SMARCC1: variants seen among roughly 807,000 people sequenced by gnomAD.
SMARCC1 encodes the protein SWI/SNF related BAF chromatin remodeling complex subunit C1, also known as SWI/SNF complex subunit SMARCC1.
SMARCC1 carries 43 observed loss-of-function variants against 147.4 expected under a neutral mutation model. That is an observed-to-expected ratio of 0.29 (90% confidence interval 0.23 to 0.38). SMARCC1 has a LOEUF of 0.38. Ranked by LOEUF, SMARCC1 falls within the 10% of genes least tolerant of loss-of-function variation. The pLI is 1.00. For synonymous variants in SMARCC1, 495 were observed against 484.4 expected (o/e 1.02, Z -0.29); for missense variants, 1,119 against 1,381.1 (o/e 0.81, Z 3.01).
At chr3:47,642,133 AAAG>A (rs2033055968) in intron 21 of SMARCC1, among the ~76,000 whole-genome samples, 1 of 152,220 alleles carries the variant, frequency 6.6e-6, no homozygotes, top group Non-Finnish European at 1.5e-5. Context: ...ACTCCAAAAA[AAAG>A]AAGAAAGAAG....
chr3:47,613,452 C>T (rs752772559), intron 25 of SMARCC1, among the ~76,000 whole-genome samples: 9 of 150,864 alleles, frequency 6.0e-5, no homozygotes, highest in Non-Finnish European at 1.2e-4. Flanking sequence ...GGTCGCCTTC[C>T]GGGTTCAAGC....
At chr3:47,595,154 C>T (rs2032251298) in intron 26 of SMARCC1, among the ~76,000 whole-genome samples, 1 of 152,160 alleles carries the variant, frequency 6.6e-6, no homozygotes, top group African/African-American at 2.4e-5. Flanking sequence ...CTGAAGAGGA[C>T]ATCTGGCGGT....
intron 3 of SMARCC1, among the ~76,000 whole-genome samples, chr3:47,741,802 G>A (rs1197221840): frequency 1.3e-5 from 2 of 151,552 alleles, no homozygotes; most frequent in Non-Finnish European, 2.9e-5. Context: ...GGTTAGTCTT[G>A]AACTCCTGGA....
chr3:47,638,388 A>T (rs2033001909), intron 22 of SMARCC1, among the ~76,000 whole-genome samples: 1 of 152,108 alleles, frequency 6.6e-6, no homozygotes, highest in Non-Finnish European at 1.5e-5. Context: ...CACCGCGCCC[A>T]GCCAAGAACC....
At chr3:47,760,402 C>A (rs1031342254) in intron 2 of SMARCC1, among the ~76,000 whole-genome samples, 2 of 152,170 alleles carry the variant, frequency 1.3e-5, no homozygotes, top group Non-Finnish European at 2.9e-5. Flanking sequence ...GTGGCTCATG[C>A]CAGTAATCTC....
At chr3:47,645,727 T>C (rs548059126) in intron 21 of SMARCC1, among the ~76,000 whole-genome samples, 1 of 152,370 alleles carries the variant, frequency 6.6e-6, no homozygotes, top group African/African-American at 2.4e-5. Flanking sequence ...CTCGCAAAGA[T>C]ATCTGCTTTT....
intron 14 of SMARCC1, among the ~76,000 whole-genome samples, chr3:47,683,039 GTTTTGT>G (rs969723972): frequency 1.1e-4 from 16 of 152,070 alleles, no homozygotes; most frequent in Non-Finnish European, 1.8e-4. Flanking sequence ...TTCGTTTTTT[GTTTTGT>G]TTTTGTTTTT....
intron 9 of SMARCC1, among the ~76,000 whole-genome samples, chr3:47,707,969 T>C (rs1424122826): frequency 2.6e-5 from 4 of 151,038 alleles, no homozygotes; most frequent in Admixed American, 6.6e-5. Context: ...AGAAGCTCCA[T>C]AGCATCAAAC....
chr3:47,600,190 C>T (rs2032361320), intron 26 of SMARCC1, among the ~76,000 whole-genome samples: 1 of 152,216 alleles, frequency 6.6e-6, no homozygotes, highest in Non-Finnish European at 1.5e-5. Flanking sequence ...AGGACAACGG[C>T]TCCTTGGCAG....
intron 2 of SMARCC1, 71 bp from the exon 3 acceptor site, chr3:47,746,064 G>T (rs2034561125): frequency 2.1e-6 from 2 of 963,050 alleles, no homozygotes; most frequent in African/African-American, 1.7e-5. Flanking sequence ...TTAATTCTAA[G>T]TTTTATAAAT....
chr3:47,620,161 CA>C (rs771800754), intron 25 of SMARCC1, among the ~76,000 whole-genome samples: 5 of 152,126 alleles, frequency 3.3e-5, no homozygotes, highest in African/African-American at 4.8e-5. Flanking sequence ...CTAGTCAACT[CA>C]TTACAAAAAT....
intron 13 of SMARCC1, among the ~76,000 whole-genome samples, 197 bp downstream of exon 13, chr3:47,689,190 A>G (rs532062760): frequency 6.6e-6 from 1 of 152,314 alleles, no homozygotes; most frequent in South Asian, 2.1e-4. Context: ...GAAAAAACTA[A>G]CAAAAACACC....
At chr3:47,679,063 G>A (rs1310327415) in intron 15 of SMARCC1, among the ~76,000 whole-genome samples, 1 of 152,036 alleles carries the variant, frequency 6.6e-6, no homozygotes, top group Admixed American at 6.6e-5. Context: ...AGATACTAAG[G>A]ACTTCTGTCA....
intron 12 of SMARCC1, among the ~76,000 whole-genome samples, chr3:47,690,263 T>G (rs1347041466): frequency 6.6e-6 from 1 of 152,128 alleles, no homozygotes; most frequent in African/African-American, 2.4e-5. Flanking sequence ...ACACTTTTGG[T>G]GGCTGGTACG....
intron 6 of SMARCC1, among the ~76,000 whole-genome samples, chr3:47,722,848 A>AC (rs2034249494): frequency 6.6e-6 from 1 of 152,242 alleles, no homozygotes; most frequent in African/African-American, 2.4e-5. Flanking sequence ...CAGAGGCATC[A>AC]CAATAGTCAA....
At chr3:47,764,675 T>C (rs570606267) in intron 2 of SMARCC1, among the ~76,000 whole-genome samples, 2 of 152,306 alleles carry the variant, frequency 1.3e-5, no homozygotes, top group South Asian at 4.1e-4. Context: ...TCATGCTACA[T>C]CATGTAGGCT....
At chr3:47,616,916 T>G (rs979186603) in intron 25 of SMARCC1, among the ~76,000 whole-genome samples, 10 of 152,204 alleles carry the variant, frequency 6.6e-5, no homozygotes, top group African/African-American at 2.4e-4. Flanking sequence ...AAAAATGTTA[T>G]CCTAAAGCTA....
At chr3:47,722,977 A>C (rs2034250768) in intron 6 of SMARCC1, among the ~76,000 whole-genome samples, 1 of 152,180 alleles carries the variant, frequency 6.6e-6, no homozygotes, top group Admixed American at 6.5e-5. Flanking sequence ...TAATTGCAAG[A>C]AACACTGGGG....
chr3:47,698,598 C>T (rs1693190189), intron 11 of SMARCC1, among the ~76,000 whole-genome samples: 1 of 151,956 alleles, frequency 6.6e-6, no homozygotes, highest in African/African-American at 2.4e-5. Flanking sequence ...GAAAAATTTA[C>T]ACTGTCAGTA....
Sources: gnomAD v4.1 joint callset for allele counts (sites outside exome capture counted in the v4.1 genomes callset) on GRCh38, gnomAD v4.1.1 for gene constraint, MANE v1.5 for transcripts, NCBI Gene and HGNC (gene_info 2026-07-23, HGNC 2026-07-21) for gene names.